Variants in B3GALT1 observed in about 807,000 individuals in gnomAD.
The protein encoded by B3GALT1 is beta-1,3-galactosyltransferase 1.
B3GALT1 carries 10 observed loss-of-function variants against 23.2 expected under a neutral mutation model. That is an observed-to-expected ratio of 0.43 (90% CI 0.27 to 0.73). B3GALT1 has a LOEUF of 0.73. Among genes scored for constraint, B3GALT1 ranks in the 30% least tolerant of loss-of-function variants. The probability of loss-of-function intolerance (pLI) is 0.21; values close to 1 mark genes in which losing one functional copy is unlikely to be tolerated. For missense variants in B3GALT1, 299 were observed against 405.4 expected (o/e 0.74, Z 2.25); for synonymous variants, 156 against 141.5 (o/e 1.10, Z -0.73).
At chr2:167,574,486 TTGA>T (rs1209893051) in intron 2 of B3GALT1, among the ~76,000 whole-genome samples, 21 of 151,836 alleles carry the variant, frequency 1.4e-4, no homozygotes, top group Admixed American at 1.1e-3. Flanking sequence ...GTTGATTCAA[TTGA>T]TGATGTGGTA....
intron 1 of B3GALT1, among the ~76,000 whole-genome samples, chr2:167,405,798 C>T (rs1317924158): frequency 2.0e-5 from 3 of 151,862 alleles, no homozygotes; most frequent in South Asian, 2.1e-4. Flanking sequence ...TGAATTTCCC[C>T]GTAGAGAATC....
chr2:167,466,980 A>T (rs1010342150), intron 1 of B3GALT1, among the ~76,000 whole-genome samples: 3 of 148,692 alleles, frequency 2.0e-5, no homozygotes, highest in Admixed American at 6.9e-5. Flanking sequence ...TGCCTGCCTC[A>T]GCCTCCCAGG....
At chr2:167,578,952 A>T (rs1684431051) in intron 2 of B3GALT1, among the ~76,000 whole-genome samples, 1 of 152,070 alleles carries the variant, frequency 6.6e-6, no homozygotes, top group South Asian at 2.1e-4. Flanking sequence ...TATAGTGGGA[A>T]GCATTTCCTT....
At chr2:167,369,641 G>A (rs907353964) in intron 1 of B3GALT1, among the ~76,000 whole-genome samples, 1 of 152,116 alleles carries the variant, frequency 6.6e-6, no homozygotes, top group Non-Finnish European at 1.5e-5. Context: ...CCATCCAGGC[G>A]TAGATTGGAG....
At chr2:167,548,689 T>TGTGTGTGTGTGTGTGTGTGAGAGA (rs1553466250) in intron 2 of B3GALT1, among the ~76,000 whole-genome samples, 10 of 129,826 alleles carry the variant, frequency 7.7e-5, no homozygotes, top group African/African-American at 3.7e-4. Context: ...TGTGTGAGTG[T>TGTGTGTGTGTGTGTGTGTGAGAGA]GTGTGTGTGT....
intron 2 of B3GALT1, among the ~76,000 whole-genome samples, chr2:167,608,273 A>G (rs571255646): frequency 6.6e-6 from 1 of 152,330 alleles, no homozygotes; most frequent in East Asian, 1.9e-4. Context: ...TGCTTAGTAA[A>G]TAGGGAATCA....
chr2:167,647,375 A>G (rs906408140), intron 3 of B3GALT1, among the ~76,000 whole-genome samples: 1 of 99,466 alleles, frequency 1.0e-5, no homozygotes, highest in African/African-American at 2.9e-5. Context: ...AGCAGCTTAC[A>G]TGCTGTGTGG....
chr2:167,541,376 C>A (rs1008042489), intron 2 of B3GALT1, among the ~76,000 whole-genome samples: 1 of 152,068 alleles, frequency 6.6e-6, no homozygotes. Flanking sequence ...TGAGAAAAAT[C>A]CTTTTTAGGT....
At chr2:167,733,664 A>G (rs1399991277) in intron 3 of B3GALT1, among the ~76,000 whole-genome samples, 1 of 152,202 alleles carries the variant, frequency 6.6e-6, no homozygotes, top group Non-Finnish European at 1.5e-5. Context: ...GAGGCTCCGA[A>G]TGACTTGCCA....
chr2:167,475,680 ACTGGGGGT>A (rs1265323470), intron 1 of B3GALT1, among the ~76,000 whole-genome samples: 1 of 152,104 alleles, frequency 6.6e-6, no homozygotes, highest in Non-Finnish European at 1.5e-5. Context: ...ATTAAGATCT[ACTGGGGGT>A]CTTGGAATGT....
At chr2:167,678,128 T>C (rs73017427) in intron 3 of B3GALT1, among the ~76,000 whole-genome samples, 17,139 of 152,222 alleles carry the variant, frequency 0.11, 2,401 homozygotes, top group African/African-American at 0.31. Flanking sequence ...ACCCACCTTC[T>C]ATCTGCTCTC....
chr2:167,706,044 C>A (rs975585951), intron 3 of B3GALT1, among the ~76,000 whole-genome samples: 4 of 152,154 alleles, frequency 2.6e-5, no homozygotes, highest in African/African-American at 9.7e-5. Context: ...GGATTTTAAA[C>A]CCTTTTTAAG....
chr2:167,486,687 C>T (rs1015836626), intron 1 of B3GALT1, among the ~76,000 whole-genome samples: 3 of 152,182 alleles, frequency 2.0e-5, no homozygotes, highest in African/African-American at 7.2e-5. Context: ...CACTGCACTC[C>T]AGCCTGGTGA....
chr2:167,516,033 A>G (rs1005483788), intron 2 of B3GALT1, among the ~76,000 whole-genome samples: 4 of 152,130 alleles, frequency 2.6e-5, no homozygotes, highest in East Asian at 1.9e-4. Flanking sequence ...AAAATTTACC[A>G]TCATTTTAAA....
intron 2 of B3GALT1, among the ~76,000 whole-genome samples, chr2:167,609,395 A>T (rs931202591): frequency 6.6e-6 from 1 of 152,084 alleles, no homozygotes; most frequent in African/African-American, 2.4e-5. Context: ...AGAAAAGCCA[A>T]CTTAAGCTGA....
At chr2:167,337,593 A>AC (rs1307944096) in intron 1 of B3GALT1, among the ~76,000 whole-genome samples, 7 of 152,270 alleles carry the variant, frequency 4.6e-5, no homozygotes, top group South Asian at 4.1e-4. Flanking sequence ...TTAAAAAAAA[A>AC]ACACACAACA....
At chr2:167,774,603 T>G (rs1212056705) in intron 3 of B3GALT1, among the ~76,000 whole-genome samples, 1 of 151,126 alleles carries the variant, frequency 6.6e-6, no homozygotes, top group Non-Finnish European at 1.5e-5. Flanking sequence ...GTTCAAGTGA[T>G]TCTCCTGCCT....
At position 167,699,207 on chromosome 2, in the gene B3GALT1, T is replaced by A. The variant is rs145447756; in HGVS notation, c.-352+52241T>A. ...GTATCAGTAATAAGTGGTTTTTTAA[T>A]GGTATTAAAATAATAATTGATTTTG... On this transcript the variant is annotated intron_variant, in intron 3 of 4. Transcript: ENST00000392690. 8.7e-4 allele frequency among the ~76,000 whole-genome samples: 132 copies of A among 152,204 alleles called. 3 individuals are homozygous for A. The East Asian group carries it at 0.023, about 27-fold the overall frequency.
intron 1 of B3GALT1, among the ~76,000 whole-genome samples, chr2:167,384,215 T>G (rs2105278061): frequency 6.6e-6 from 1 of 152,304 alleles, no homozygotes; most frequent in Non-Finnish European, 1.5e-5. Context: ...TACCACACAG[T>G]GTTAGCTATT....
Sources: allele counts gnomAD v4.1 joint callset (sites outside exome capture counted in the v4.1 genomes callset), GRCh38; gene constraint gnomAD v4.1.1; transcripts MANE v1.5; gene names NCBI Gene and HGNC (gene_info 2026-07-23, HGNC 2026-07-21).